Variants in RYR2 observed in about 807,000 individuals in gnomAD.
RYR2 encodes the protein ryanodine receptor 2.
In RYR2, 227 loss-of-function variants were observed where a neutral mutation model predicts 601.1. The observed-to-expected ratio is 0.38, with a 90% CI of 0.34 to 0.42. The LOEUF (loss-of-function observed/expected upper bound fraction) is 0.42. Ranked by LOEUF, RYR2 falls within the 10% of genes least tolerant of loss-of-function variation. The probability of loss-of-function intolerance (pLI) is 1.00; values close to 1 mark genes in which losing one functional copy is unlikely to be tolerated. For synonymous variants in RYR2, 2,223 were observed against 2,175.1 expected (o/e 1.02, Z -0.61); for missense variants, 4,646 against 6,156.5 (o/e 0.75, Z 8.21).
chr1:237,575,224 T>C (rs1006758690), intron 29 of RYR2, among the ~76,000 whole-genome samples: 1 of 152,234 alleles, frequency 6.6e-6, no homozygotes, highest in Non-Finnish European at 1.5e-5. Context: ...TAAGCCATGC[T>C]GCCTAATAAC....
intron 1 of RYR2, among the ~76,000 whole-genome samples, chr1:237,133,615 G>T (rs1277705749): frequency 6.6e-6 from 1 of 152,166 alleles, no homozygotes; most frequent in African/African-American, 2.4e-5. Context: ...CATTCCCCCA[G>T]TTGTTTGTCA....
At chr1:237,098,214 A>T (rs900490423) in intron 1 of RYR2, among the ~76,000 whole-genome samples, 1 of 152,186 alleles carries the variant, frequency 6.6e-6, no homozygotes, top group Non-Finnish European at 1.5e-5. Context: ...GTCGATATTG[A>T]TTGATTGGTT....
At chr1:237,224,438 GC>G (rs1684143364) in intron 1 of RYR2, among the ~76,000 whole-genome samples, 1 of 152,152 alleles carries the variant, frequency 6.6e-6, no homozygotes, top group Non-Finnish European at 1.5e-5. Context: ...GGGGGTCTAT[GC>G]CCCAACCCCC....
Position 237,723,057 on chromosome 1 carries a change from C to T in RYR2, c.10555-71C>T, listed in dbSNP as rs994597345. The T allele has an allele frequency of 1.0e-5, 14 of 1,359,674 alleles. No individual in the cohort carries two copies. In the East Asian group the frequency reaches 3.0e-4, roughly 29 times the overall value. The allele number at this position is 1,359,674 out of a possible 1,614,324, so 84.2% of individuals were successfully genotyped here. On this transcript the variant is annotated intron_variant, in intron 73 of 104. Transcript: ENST00000366574. ...AATAAATAATGATGGGTGGACTCTT[C>T]CTATCTTTAGATTGTAACCTTGTTT... is the stretch of plus-strand genomic sequence containing the variant.
chr1:237,291,241 A>C (rs1692151787), intron 2 of RYR2, among the ~76,000 whole-genome samples: 1 of 152,052 alleles, frequency 6.6e-6, no homozygotes, highest in Non-Finnish European at 1.5e-5. Flanking sequence ...GCAGAAGATC[A>C]CTATACATCT....
intron 6 of RYR2, among the ~76,000 whole-genome samples, chr1:237,373,121 TA>T (rs1006771852): frequency 1.4e-4 from 22 of 152,344 alleles, no homozygotes; most frequent in African/African-American, 5.3e-4. Flanking sequence ...GTTACCTTTT[TA>T]AAAAATAAAG....
chr1:237,666,526 T>C lies in RYR2; in HGVS notation c.8451T>C (p.Ala2817=), dbSNP rs1684342209. 1.2e-6 allele frequency: 2 copies of C among 1,612,366 alleles called. No individual in the cohort carries two copies. The highest frequency in any genetic ancestry group is 2.2e-5 in the South Asian group (2 of 90,566). ...AAATGATCTAGGTTTCTGTGGACGC[T>C]GCCCATGGTTACAGTCCCCGGGCCA... ...ISQTSQVSVD[A]AHGYSPRAID... Residue 2817 remains alanine, a synonymous_variant, in exon 57 of 105, where the codon GCT becomes GCC. Coordinates refer to ENST00000366574, the MANE Select transcript of RYR2 (RefSeq NM_001035.3).
At chr1:237,159,938 A>T (rs2148855793) in intron 1 of RYR2, among the ~76,000 whole-genome samples, 1 of 152,338 alleles carries the variant, frequency 6.6e-6, no homozygotes, top group South Asian at 2.1e-4. Context: ...ACCTTATAGT[A>T]TGTATTAATT....
chr1:237,192,205 TC>T (rs1355338576), intron 1 of RYR2, among the ~76,000 whole-genome samples: 1 of 152,088 alleles, frequency 6.6e-6, no homozygotes, highest in Non-Finnish European at 1.5e-5. Context: ...TCTTATTTTT[TC>T]AAAATTTTAT....
At chr1:237,390,801 A>G (rs950643085) in intron 10 of RYR2, among the ~76,000 whole-genome samples, 3 of 152,146 alleles carry the variant, frequency 2.0e-5, no homozygotes, top group Admixed American at 1.3e-4. Flanking sequence ...TCTTGATTTC[A>G]TGTTGATAAT....
At chr1:237,169,794 A>G (rs1219276973) in intron 1 of RYR2, among the ~76,000 whole-genome samples, 2 of 152,238 alleles carry the variant, frequency 1.3e-5, no homozygotes, top group Non-Finnish European at 2.9e-5. Flanking sequence ...TGTTGTATGG[A>G]TAATTCATGT....
intron 42 of RYR2, 35 bp downstream of exon 42, chr1:237,631,576 T>C: frequency 9.0e-7 from 1 of 1,110,128 alleles, no homozygotes; most frequent in Non-Finnish European, 1.3e-6. Flanking sequence ...CTATTTAGTA[T>C]CATCTCCTGG....
At chr1:237,684,784 T>C (rs1686220324) in intron 62 of RYR2, among the ~76,000 whole-genome samples, 1 of 151,714 alleles carries the variant, frequency 6.6e-6, no homozygotes, top group East Asian at 1.9e-4. Context: ...TATATATATA[T>C]ATATAATGCT....
At chr1:237,301,420 G>T (rs1356733249) in intron 2 of RYR2, among the ~76,000 whole-genome samples, 2 of 152,098 alleles carry the variant, frequency 1.3e-5, no homozygotes, top group African/African-American at 4.8e-5. Context: ...ATTTACTATG[G>T]ATTCATAAAG....
In RYR2 at chr1:237,395,268, G is replaced by A. The variant is rs149646077; in HGVS notation, c.773+7085G>A. 4.8e-4 allele frequency among the ~76,000 whole-genome samples: 73 copies of A among 152,284 alleles called. 1 individual carries two copies. The Middle Eastern group carries it at 0.01, about 21-fold the overall frequency. On this transcript the variant is annotated intron_variant, in intron 10 of 104. Coordinates refer to ENST00000366574, the MANE Select transcript of RYR2 (RefSeq NM_001035.3). Reference sequence around the variant, plus strand: ...CATATTTTACCATTCAACCATGTGAGAAAGATCAGCCAAGTCTTTGTTGAC... The same window carrying A: ...CATATTTTACCATTCAACCATGTGAAAAAGATCAGCCAAGTCTTTGTTGAC...
At chr1:237,809,258 T>A (rs1321178225) in intron 100 of RYR2, among the ~76,000 whole-genome samples, 1 of 152,246 alleles carries the variant, frequency 6.6e-6, no homozygotes, top group Non-Finnish European at 1.5e-5. Flanking sequence ...TAATTAGAAT[T>A]GCTGAGTAAT....
chr1:237,571,794 G>A (rs1672730887), intron 29 of RYR2, among the ~76,000 whole-genome samples: 1 of 152,108 alleles, frequency 6.6e-6, no homozygotes, highest in East Asian at 1.9e-4. Context: ...CAATATCTAT[G>A]TTTAAAATTT....
intron 1 of RYR2, among the ~76,000 whole-genome samples, chr1:237,248,298 CCA>C (rs1330505722): frequency 0.024 from 2,697 of 112,320 alleles, 94 homozygotes; most frequent in African/African-American, 0.093. Flanking sequence ...CCCCCCCCCC[CCA>C]AAAATGATGA....
intron 1 of RYR2, among the ~76,000 whole-genome samples, chr1:237,140,609 G>A (rs533620313): frequency 6.6e-6 from 1 of 152,218 alleles, no homozygotes; most frequent in Non-Finnish European, 1.5e-5. Flanking sequence ...CTCATTTCCA[G>A]ATGTGTAAAT....
Sources: allele counts gnomAD v4.1 joint callset (sites outside exome capture counted in the v4.1 genomes callset), GRCh38; gene constraint gnomAD v4.1.1; transcripts MANE v1.5; gene names NCBI Gene and HGNC (gene_info 2026-07-23, HGNC 2026-07-21).